The following IL12RB1 variants were observed in gnomAD, a reference collection of about 807,000 sequenced individuals.
IL12RB1 encodes interleukin-12 receptor subunit beta-1.
Under a neutral mutation model 94.4 loss-of-function variants are expected in IL12RB1, and 64 were observed. The observed-to-expected ratio is 0.68, with a 90% CI of 0.55 to 0.83. IL12RB1 has a LOEUF of 0.83. Among genes scored for constraint, IL12RB1 ranks in the 40% least tolerant of loss-of-function variants. The pLI, the probability that IL12RB1 is intolerant of heterozygous loss-of-function variation, is 0.00. For missense variants in IL12RB1, 814 were observed against 855.6 expected, an observed-to-expected ratio of 0.95 and a Z score of 0.61; for synonymous variants, 362 against 355.5, an observed-to-expected ratio of 1.02 and a Z score of -0.21.
At chr19:18,064,181 C>T (rs980685017) in intron 12 of IL12RB1, among the ~76,000 whole-genome samples, 171 bp from the exon 13 acceptor site, 1 of 144,968 alleles carries the variant, frequency 6.9e-6, no homozygotes, top group East Asian at 2.0e-4. Context: ...GCTCTGTCGC[C>T]CAGGCTGGAG....
intron 4 of IL12RB1, among the ~76,000 whole-genome samples, chr19:18,079,262 C>T (rs996624945): frequency 4.6e-5 from 7 of 151,872 alleles, no homozygotes; most frequent in African/African-American, 1.7e-4. Flanking sequence ...CGCCACCACA[C>T]TCGGCTAATT....
Position 18,063,857 on chromosome 19 carries a change from T to A in IL12RB1, c.1618+19A>T. 3 of 1,610,656 alleles carry A rather than the reference T, an allele frequency of 1.9e-6. No homozygotes were observed. The East Asian group carries it at 6.7e-5, about 36-fold the overall frequency. On this transcript the variant is annotated intron_variant, in intron 13 of 16. Coordinates refer to ENST00000593993, the MANE Select transcript of IL12RB1 (RefSeq NM_005535.3). Reference sequence around the variant, plus strand: ...AGTGCATGCTGGGTAAATAACTGGGTCCTACCCCCTCCACTCACCGATGCT... The same window carrying A: ...AGTGCATGCTGGGTAAATAACTGGGACCTACCCCCTCCACTCACCGATGCT...
At chr19:18,076,245 A>T (rs1409069062) in intron 6 of IL12RB1, 52 bp downstream of exon 6, 2 of 950,062 alleles carry the variant, frequency 2.1e-6, no homozygotes, top group Non-Finnish European at 3.5e-6. Flanking sequence ...TAGGTGCTCA[A>T]TTAATGCCAA....
Position 18,061,195 on chromosome 19 carries a change from G to A in IL12RB1, c.1718C>T (p.Ala573Val). The change falls in exon 15 of 17, where the codon GCC becomes GTC. Residue 573 changes from alanine (A) to valine (V), a missense_variant and splice_region_variant. Ala to Val is a moderately conservative substitution (Grantham distance 64). Coordinates refer to ENST00000593993, the MANE Select transcript of IL12RB1 (RefSeq NM_005535.3). ...CAGCGGCGGGCACAGGTGCCGTGCG[G>A]CCCTGGGGAGGAAAGGGGACCAGTG... ...GVLGYLGLNR[A>V]ARHLCPPLPT... The A allele has an allele frequency of 6.4e-7, 1 of 1,551,366 alleles. No individual in the cohort carries two copies. The highest frequency in any genetic ancestry group is 1.2e-5 in the South Asian group (1 of 85,916).
At chr19:18,088,100 G>C (rs922200055), upstream of IL12RB1, among the ~76,000 whole-genome samples, 1 of 151,828 alleles carries the variant, frequency 6.6e-6, no homozygotes, top group East Asian at 1.9e-4. Context: ...AAAAAATAAA[G>C]AATTAGGCCA....
intron 16 of IL12RB1, 66 bp downstream of exon 16, chr19:18,059,828 G>A (rs1286354601): frequency 3.2e-6 from 3 of 936,424 alleles, no homozygotes; most frequent in East Asian, 2.6e-5. Context: ...AGCGATGGAT[G>A]TCTAGCCCCC....
chr19:18,059,840 C>G (rs1024323957), intron 16 of IL12RB1, 54 bp downstream of exon 16: 3 of 1,053,606 alleles, frequency 2.8e-6, no homozygotes, highest in African/African-American at 3.2e-5. Context: ...CTAGCCCCCC[C>G]ACCCCCCGGG....
chr19:18,090,354 A>AAGAAAGGTGGAGGAAAT (rs1192091038), upstream of IL12RB1, among the ~76,000 whole-genome samples: 1 of 152,140 alleles, frequency 6.6e-6, no homozygotes, highest in African/African-American at 2.4e-5. Context: ...AAAAAATAAC[A>AAGAAAGGTGGAGGAAAT]AGAAAGGTGG....
chr19:18,070,594 A>G (rs2034955292), intron 9 of IL12RB1: 1 of 913,456 alleles, frequency 1.1e-6, no homozygotes, highest in Non-Finnish European at 1.3e-6. Context: ...TTGAGTACCA[A>G]CTGCATGTGC....
intron 5 of IL12RB1, among the ~76,000 whole-genome samples, chr19:18,077,187 G>A (rs17878440): frequency 0.1 from 15,529 of 151,974 alleles, 953 homozygotes; most frequent in East Asian, 0.28. Flanking sequence ...GCGAAACCCC[G>A]TCTCTACTAA....
At chr19:18,066,440 C>A in intron 12 of IL12RB1, 102 bp downstream of exon 12, 1 of 807,218 alleles carries the variant, frequency 1.2e-6, no homozygotes, top group Non-Finnish European at 2.1e-6. Context: ...ATAACCAAGG[C>A]CCAGAGAAGG....
At chr19:18,070,241 C>G (rs2034926579) in intron 9 of IL12RB1, among the ~76,000 whole-genome samples, 2 of 152,204 alleles carry the variant, frequency 1.3e-5, no homozygotes, top group Admixed American at 6.6e-5. Flanking sequence ...TTTGAATGAG[C>G]TGAGTCCTCC....
At chr19:18,069,745 A>G in intron 9 of IL12RB1, 32 bp from the exon 10 acceptor site, 1 of 1,526,936 alleles carries the variant, frequency 6.5e-7, no homozygotes. Flanking sequence ...GCATCGAGAC[A>G]GTTGCCATCT....
At chr19:18,086,198 G>A (rs2036321955) in intron 1 of IL12RB1, among the ~76,000 whole-genome samples, 1 of 151,094 alleles carries the variant, frequency 6.6e-6, no homozygotes, top group Non-Finnish European at 1.5e-5. Context: ...ACTCCAGCCT[G>A]GGACACAGAG....
Position 18,063,968 on chromosome 19 carries a change from C to T in IL12RB1, c.1526G>A (p.Gly509Asp). 1.9e-6 allele frequency: 3 copies of T among 1,611,656 alleles called. No individual in the cohort carries two copies. The highest frequency in any genetic ancestry group is 2.5e-6 in the Non-Finnish European group (3 of 1,177,924). ...CGTGTAGGCTACACCAGCCCGCAGGCCACTGAGGGTAACTTGGGTCTCTGT... is the reference window on the plus strand; with the variant it reads ...CGTGTAGGCTACACCAGCCCGCAGGTCACTGAGGGTAACTTGGGTCTCTGT... ...QPTETQVTLS[G>D]LRAGVAYTVQ... The change falls in exon 13 of 17, where the codon GGC becomes GAC. Residue 509 changes from glycine (G) to aspartate (D), a missense_variant. Transcript: ENST00000593993.
chr19:18,090,082 C>T (rs1048698599), upstream of IL12RB1, among the ~76,000 whole-genome samples: 21 of 152,172 alleles, frequency 1.4e-4, no homozygotes, highest in Non-Finnish European at 2.5e-4. Flanking sequence ...ATGGAGGAGG[C>T]CAGGCAGGGT....
At chr19:18,069,785 C>A in intron 9 of IL12RB1, 72 bp from the exon 10 acceptor site, 1 of 1,102,628 alleles carries the variant, frequency 9.1e-7, no homozygotes. Context: ...CTGGCTCCTG[C>A]AGCCTCTCTC....
At chr19:18,069,398 C>T (rs1448952439) in intron 10 of IL12RB1, 148 bp downstream of exon 10, 1 of 788,094 alleles carries the variant, frequency 1.3e-6, no homozygotes, top group Non-Finnish European at 2.0e-6. Flanking sequence ...CTCACCCTGT[C>T]CCTACCTCTG....
intron 7 of IL12RB1, among the ~76,000 whole-genome samples, chr19:18,074,232 A>C (rs1279055614): frequency 2.6e-5 from 4 of 151,718 alleles, no homozygotes; most frequent in Admixed American, 6.6e-5. Flanking sequence ...GGCTTGTCTC[A>C]AACTCCTGGC....
Sources: gnomAD v4.1 joint callset for allele counts (sites outside exome capture counted in the v4.1 genomes callset) on GRCh38, gnomAD v4.1.1 for gene constraint, MANE v1.5 for transcripts, NCBI Gene and HGNC (gene_info 2026-07-23, HGNC 2026-07-21) for gene names.